SLC27A6: variants seen among roughly 807,000 people sequenced by gnomAD.
SLC27A6 encodes long-chain fatty acid transport protein 6.
Under a neutral mutation model 63.9 loss-of-function variants are expected in SLC27A6, and 74 were observed. The observed-to-expected ratio is 1.16, with a 90% CI of 0.96 to 1.40. SLC27A6 has a LOEUF of 1.40. SLC27A6 is among the 40% of genes most tolerant of loss of function. SLC27A6 has a pLI of 0.00. For missense variants in SLC27A6, 794 were observed against 732.9 expected, an observed-to-expected ratio of 1.08 and a Z score of -0.96; for synonymous variants, 287 against 260.8, an observed-to-expected ratio of 1.10 and a Z score of -0.97.
At chr5:128,968,174 G>A (rs1749984680) in intron 1 of SLC27A6, among the ~76,000 whole-genome samples, 1 of 152,108 alleles carries the variant, frequency 6.6e-6, no homozygotes, top group Admixed American at 6.5e-5. Context: ...ATGGACATTT[G>A]GGTTGGCTCC....
intron 4 of SLC27A6, 145 bp downstream of exon 4, chr5:128,990,609 T>TCTAGGTAGC: frequency 1.2e-6 from 1 of 835,620 alleles, no homozygotes; most frequent in South Asian, 1.8e-5. Context: ...TGGCAGGTGC[T>TCTAGGTAGC]ACCTAGATGG....
intron 3 of SLC27A6, among the ~76,000 whole-genome samples, 188 bp downstream of exon 3, chr5:128,988,946 A>G (rs886695305): frequency 3.9e-5 from 6 of 152,170 alleles, no homozygotes; most frequent in African/African-American, 1.4e-4. Context: ...CCTGAGGTGA[A>G]AAGAACAGTT....
At chr5:129,021,188 A>C (rs568665997) in intron 5 of SLC27A6, among the ~76,000 whole-genome samples, 16 of 149,126 alleles carry the variant, frequency 1.1e-4, no homozygotes, top group African/African-American at 3.5e-4. Context: ...CTAGTTGCCC[A>C]AAGGTTTTAG....
At position 128,965,909 on chromosome 5, in the gene SLC27A6, A is replaced by C; in HGVS notation, c.-229A>C. On this transcript the variant is annotated 5_prime_UTR_variant, in exon 1 of 10. Coordinates refer to ENST00000262462, the MANE Select transcript of SLC27A6 (RefSeq NM_001017372.3). The stretch of plus-strand genomic sequence containing the variant: ...CTCCCTGCTTTCCAGCCGCCCAGTG[A>C]CCCAAGCTTAATCTTCAGCACCACT... The C allele has an allele frequency of 2.4e-6, 1 of 416,222 alleles. No individual in the cohort carries two copies. Among genetic ancestry groups the C allele is most frequent in the Non-Finnish European group, 4.2e-6 (1 of 239,942 alleles). The allele number at this position is 416,222 out of a possible 1,614,324, so 25.8% of individuals were successfully genotyped here. A position where few individuals can be genotyped will look rare whatever the true frequency, so the allele number is the denominator to read the frequency against.
At chr5:129,028,284 A>G in intron 7 of SLC27A6, 61 bp from the exon 8 acceptor site, 4 of 1,094,586 alleles carry the variant, frequency 3.7e-6, no homozygotes, top group Non-Finnish European at 5.6e-6. Context: ...TAAAACTAAA[A>G]CTGGGTACCT....
At chr5:128,968,659 A>G (rs925330051) in intron 1 of SLC27A6, among the ~76,000 whole-genome samples, 29 of 152,290 alleles carry the variant, frequency 1.9e-4, no homozygotes, top group Admixed American at 6.5e-4. Context: ...GATTCTAGAT[A>G]TTAGCCATTT....
intron 1 of SLC27A6, among the ~76,000 whole-genome samples, chr5:128,973,269 A>G (rs181669840): frequency 3.3e-5 from 5 of 152,286 alleles, no homozygotes; most frequent in Admixed American, 3.3e-4. Flanking sequence ...CTCAGATTTC[A>G]AACTCCCTGC....
At chr5:129,016,217 C>T in intron 5 of SLC27A6, 138 bp downstream of exon 5, 1 of 564,196 alleles carries the variant, frequency 1.8e-6, no homozygotes. Context: ...ACAGTGAAAC[C>T]CTGTCTCTAC....
chr5:128,985,071 T>C, intron 1 of SLC27A6, 62 bp from the exon 2 acceptor site: 1 of 1,241,748 alleles, frequency 8.1e-7, no homozygotes, highest in Non-Finnish European at 1.1e-6. Context: ...CAAAAGCAAC[T>C]CCAAAGTGAA....
At chr5:128,970,434 G>T (rs894032381) in intron 1 of SLC27A6, among the ~76,000 whole-genome samples, 24 of 152,132 alleles carry the variant, frequency 1.6e-4, no homozygotes, top group East Asian at 1.2e-3. Context: ...CTCAATTTCA[G>T]AGCCTGTTAT....
chr5:129,026,010 T>C (rs1326463136), intron 6 of SLC27A6, among the ~76,000 whole-genome samples: 1 of 152,124 alleles, frequency 6.6e-6, no homozygotes, highest in East Asian at 1.9e-4. Context: ...GTGGCATGCA[T>C]CTGCAGCCCA....
In SLC27A6 at chr5:129,027,261, A is replaced by T; in HGVS notation, c.1384A>T (p.Thr462Ser). 1 of 1,613,268 alleles carries T rather than the reference A, an allele frequency of 6.2e-7. No individual in the cohort carries two copies. The highest frequency in any genetic ancestry group is 8.5e-7 in the Non-Finnish European group (1 of 1,179,366). Residue 462 changes from threonine to serine, a missense_variant, in exon 7 of 10, where the codon ACT becomes TCT. Transcript: ENST00000262462. ...TAAGAAGGGAGATGTTTACCTTAAT[A>T]CTGGAGACTTAATAGTCCAGGATCA... The part of the protein sequence containing the change: ...VFKKGDVYLN[T>S]GDLIVQDQDN...
chr5:128,971,632 C>T (rs1750167990), intron 1 of SLC27A6, among the ~76,000 whole-genome samples: 1 of 151,864 alleles, frequency 6.6e-6, no homozygotes, highest in South Asian at 2.1e-4. Context: ...TCCTGCATCC[C>T]TTTATTTTGA....
intron 5 of SLC27A6, among the ~76,000 whole-genome samples, chr5:129,017,028 C>T (rs1424380703): frequency 1.3e-5 from 2 of 152,118 alleles, no homozygotes; most frequent in East Asian, 1.9e-4. Flanking sequence ...CAGTCTCAAC[C>T]TTTGTAAAGC....
At chr5:128,969,165 A>T (rs1361330874) in intron 1 of SLC27A6, among the ~76,000 whole-genome samples, 1 of 152,178 alleles carries the variant, frequency 6.6e-6, no homozygotes, top group Non-Finnish European at 1.5e-5. Context: ...TGGTTGCTGT[A>T]GCCCTGTAGT....
At chr5:128,993,369 T>C (rs1751042581) in intron 4 of SLC27A6, among the ~76,000 whole-genome samples, 1 of 152,206 alleles carries the variant, frequency 6.6e-6, no homozygotes, top group Non-Finnish European at 1.5e-5. Context: ...TCCTCAATAA[T>C]GCTTTGTTTG....
In SLC27A6 at chr5:128,993,641, A is replaced by C. The variant is rs533181462; in HGVS notation, c.969+3177A>C. ...ATAATAAAGGTATTAATAGTTTTTC[A>C]TATTGATTACAAATCTTTTCTCAGT... is the stretch of plus-strand genomic sequence containing the variant. On this transcript the variant is annotated intron_variant, in intron 4 of 9. Coordinates refer to ENST00000262462, the MANE Select transcript of SLC27A6 (RefSeq NM_001017372.3). Among the ~76,000 whole-genome samples the C allele has an allele frequency of 2.0e-5, 3 of 152,272 alleles. No individual in the cohort carries two copies. The East Asian group carries it at 5.8e-4, about 29-fold the overall frequency.
chr5:129,001,142 CA>C (rs1353729847), intron 4 of SLC27A6, among the ~76,000 whole-genome samples: 1 of 152,180 alleles, frequency 6.6e-6, no homozygotes, highest in Non-Finnish European at 1.5e-5. Context: ...AAAAGATTTT[CA>C]GGGGCAGCTG....
At chr5:129,029,987 C>A (rs1419894336) in intron 9 of SLC27A6, among the ~76,000 whole-genome samples, 1 of 151,942 alleles carries the variant, frequency 6.6e-6, no homozygotes, top group Non-Finnish European at 1.5e-5. Context: ...GGTGGCAATC[C>A]AAAACCACAT....
Sources: allele counts gnomAD v4.1 joint callset (sites outside exome capture counted in the v4.1 genomes callset), GRCh38; gene constraint gnomAD v4.1.1; transcripts MANE v1.5; gene names NCBI Gene and HGNC (gene_info 2026-07-23, HGNC 2026-07-21).